DCAF5: variants seen among roughly 807,000 people sequenced by gnomAD.
DCAF5 encodes DDB1 and CUL4 associated factor 5.
Under a neutral mutation model 80.7 loss-of-function variants are expected in DCAF5, and 9 were observed. The observed-to-expected ratio is 0.11, with a 90% CI of 0.07 to 0.19. The LOEUF is 0.19. Ranked by LOEUF, DCAF5 falls within the 10% of genes least tolerant of loss-of-function variation. DCAF5 has a pLI of 1.00. For synonymous variants in DCAF5, 433 were observed against 461.9 expected, an observed-to-expected ratio of 0.94 and a Z score of 0.80; for missense variants, 842 against 1,205.7, an observed-to-expected ratio of 0.70 and a Z score of 4.47.
In DCAF5 at chr14:69,144,464, C is replaced by T. The variant is rs1180839389; in HGVS notation, c.214+8301G>A. On this transcript the variant is annotated intron_variant, in intron 1 of 8. Coordinates refer to ENST00000341516, the MANE Select transcript of DCAF5 (RefSeq NM_003861.3). ...GCGGGTGCCTGTAGTCCCAACTACT[C>T]GGGAGGCTGAGGCAGGAGAATGGCA... Among the ~76,000 whole-genome samples the T allele has an allele frequency of 3.3e-5, 5 of 151,456 alleles. No individual in the cohort carries two copies. The East Asian group carries it at 5.8e-4, about 18-fold the overall frequency.
chr14:69,067,761 C>A (rs557224673), intron 7 of DCAF5, among the ~76,000 whole-genome samples: 1 of 151,726 alleles, frequency 6.6e-6, no homozygotes, highest in Non-Finnish European at 1.5e-5. Flanking sequence ...CTCAGCCTCC[C>A]GAGTAGCTGG....
chr14:69,119,621 G>C (rs1405233132), intron 2 of DCAF5, among the ~76,000 whole-genome samples: 3 of 151,698 alleles, frequency 2.0e-5, no homozygotes, highest in Non-Finnish European at 4.4e-5. Flanking sequence ...AGGCTGAGGT[G>C]GAAGAATCGC....
intron 5 of DCAF5, among the ~76,000 whole-genome samples, chr14:69,106,360 T>C (rs1315810237): frequency 2.0e-5 from 3 of 151,790 alleles, no homozygotes; most frequent in Non-Finnish European, 4.4e-5. Context: ...CCACCTTAAC[T>C]GTTTTTTAAA....
intron 1 of DCAF5, among the ~76,000 whole-genome samples, chr14:69,138,797 T>C (rs1379678914): frequency 6.6e-6 from 1 of 152,154 alleles, no homozygotes; most frequent in African/African-American, 2.4e-5. Flanking sequence ...AGATCACAAA[T>C]GAGAGTGGTG....
intron 7 of DCAF5, among the ~76,000 whole-genome samples, chr14:69,069,114 A>T (rs1286846460): frequency 6.6e-6 from 1 of 152,248 alleles, no homozygotes; most frequent in Non-Finnish European, 1.5e-5. Context: ...GAAAAAGCAG[A>T]TACCTAGGCC....
rs1440915945 is a variant in DCAF5, at chr14:69,055,273, G to A, written c.1413C>T (p.Pro471=). The A allele has an allele frequency of 6.2e-7, 1 of 1,614,078 alleles. No homozygotes were observed. Among genetic ancestry groups the A allele is most frequent in the Non-Finnish European group, 8.5e-7 (1 of 1,180,038 alleles). ...CGTTGTCGGCAGACTCATCTACTGT[G>A]GGAGGCGGGGAGCGAGGCAATGAGG... is the stretch of plus-strand genomic sequence containing the variant. ...SSASLPRSPP[P]TVDESADNAF... is the part of the protein sequence containing the mutation. The change falls in exon 9 of 9, where the codon CCC becomes CCT. Residue 471 remains proline (P), a synonymous_variant. Coordinates refer to ENST00000341516, the MANE Select transcript of DCAF5 (RefSeq NM_003861.3). The surrounding 1 kb of genome is among the most constrained non-coding windows in gnomAD (Gnocchi z 5.6).
chr14:69,110,797 G>A (rs544819236), intron 5 of DCAF5, among the ~76,000 whole-genome samples: 34 of 146,230 alleles, frequency 2.3e-4, no homozygotes, highest in Non-Finnish European at 3.9e-4. Flanking sequence ...AGGACTGCTT[G>A]AGCCTTGGAG....
intron 7 of DCAF5, among the ~76,000 whole-genome samples, chr14:69,067,082 T>C (rs1308596674): frequency 1.3e-5 from 2 of 152,248 alleles, no homozygotes; most frequent in Non-Finnish European, 2.9e-5. Context: ...TAATTTACTA[T>C]GTTTATTGTT....
chr14:69,103,134 C>G (rs2040021938), intron 5 of DCAF5, among the ~76,000 whole-genome samples: 1 of 152,138 alleles, frequency 6.6e-6, no homozygotes, highest in South Asian at 2.1e-4. Context: ...TGGACAAATT[C>G]TCAACACATA....
chr14:69,141,460 C>T (rs2041372255), intron 1 of DCAF5, among the ~76,000 whole-genome samples: 2 of 152,020 alleles, frequency 1.3e-5, no homozygotes, highest in African/African-American at 2.4e-5. Flanking sequence ...CCCATTAACT[C>T]GTCATTTACA....
intron 2 of DCAF5, among the ~76,000 whole-genome samples, chr14:69,120,037 T>C (rs570264353): frequency 6.6e-6 from 1 of 151,832 alleles, no homozygotes; most frequent in South Asian, 2.1e-4. Context: ...AATGTTTCTT[T>C]CTTTCTTTCT....
chr14:69,084,077 T>C (rs1198145422), intron 6 of DCAF5: 1 of 789,098 alleles, frequency 1.3e-6, no homozygotes, highest in East Asian at 2.4e-5. Flanking sequence ...CCCCAGCTTT[T>C]CTCATCCTGC....
chr14:69,085,660 T>C (rs1324843058), intron 6 of DCAF5, among the ~76,000 whole-genome samples: 1 of 152,186 alleles, frequency 6.6e-6, no homozygotes, highest in Non-Finnish European at 1.5e-5. Flanking sequence ...ATTTTAAATA[T>C]CCCTCCCTCA....
At chr14:69,074,074 T>C (rs2038808007) in intron 7 of DCAF5, among the ~76,000 whole-genome samples, 1 of 152,214 alleles carries the variant, frequency 6.6e-6, no homozygotes. Flanking sequence ...ACAGCAAATG[T>C]TGAGTTATGC....
At chr14:69,081,289 C>T (rs1000002061) in intron 6 of DCAF5, among the ~76,000 whole-genome samples, 3 of 152,004 alleles carry the variant, frequency 2.0e-5, no homozygotes, top group Non-Finnish European at 2.9e-5. Flanking sequence ...ATTAGATCAG[C>T]GTGGAAGATA....
intron 5 of DCAF5, among the ~76,000 whole-genome samples, chr14:69,114,150 GC>G (rs1238598653): frequency 6.6e-6 from 1 of 152,196 alleles, no homozygotes; most frequent in Non-Finnish European, 1.5e-5. Flanking sequence ...AGTTAGTACA[GC>G]CTTTGGTGGT....
chr14:69,077,259 G>C (rs2038935216), intron 6 of DCAF5, among the ~76,000 whole-genome samples: 1 of 152,228 alleles, frequency 6.6e-6, no homozygotes, highest in South Asian at 2.1e-4. Flanking sequence ...CTAGAGTGCA[G>C]TGGCACGATT....
chr14:69,069,508 G>A (rs547515874), intron 7 of DCAF5, among the ~76,000 whole-genome samples: 1 of 152,312 alleles, frequency 6.6e-6, no homozygotes, highest in African/African-American at 2.4e-5. Flanking sequence ...TGTTGCTGAA[G>A]TGTGCAGCCT....
At chr14:69,081,672 TG>T (rs1203081002) in intron 6 of DCAF5, among the ~76,000 whole-genome samples, 2 of 152,028 alleles carry the variant, frequency 1.3e-5, no homozygotes, top group Non-Finnish European at 2.9e-5. Context: ...AGAACAACAC[TG>T]AAAAAGATTA....
Sources: allele counts gnomAD v4.1 joint callset (sites outside exome capture counted in the v4.1 genomes callset), GRCh38; gene constraint gnomAD v4.1.1; non-coding constraint Gnocchi (gnomAD v3.1); transcripts MANE v1.5; gene names NCBI Gene and HGNC (gene_info 2026-07-23, HGNC 2026-07-21).